Variants in DOCK3 observed in about 807,000 individuals in gnomAD.
The protein encoded by DOCK3 is dedicator of cytokinesis 3.
Under a neutral mutation model 265.6 loss-of-function variants are expected in DOCK3, and 60 were observed. The ratio of observed to expected loss-of-function variants is 0.23; its 90% CI spans 0.18 to 0.28. DOCK3 has a LOEUF of 0.28. DOCK3 is among the 10% of genes least tolerant of loss of function. DOCK3 has a pLI of 1.00. For synonymous variants in DOCK3, 881 were observed against 938.0 expected (o/e 0.94, Z 1.11); for missense variants, 1,981 against 2,594.3 (o/e 0.76, Z 5.14).
chr3:51,203,967 G>C (rs1397893544), intron 12 of DOCK3, among the ~76,000 whole-genome samples: 1 of 152,148 alleles, frequency 6.6e-6, no homozygotes, highest in African/African-American at 2.4e-5. Context: ...GCAATATGTA[G>C]AAAGCTGAAA....
intron 3 of DOCK3, among the ~76,000 whole-genome samples, chr3:50,845,293 A>G (rs1468896131): frequency 6.6e-6 from 1 of 152,176 alleles, no homozygotes; most frequent in African/African-American, 2.4e-5. Flanking sequence ...AGGACAACAG[A>G]TACTTGATTT....
In DOCK3 at chr3:51,363,374, G is replaced by A. The variant is rs190742714; in HGVS notation, c.5293+700G>A. Among the ~76,000 whole-genome samples the A allele has an allele frequency of 3.2e-4, 48 of 152,346 alleles. No individual in the cohort carries two copies. In the East Asian group the frequency reaches 4.2e-3, roughly 13 times the overall value. On this transcript the variant is annotated intron_variant, in intron 49 of 52. Transcript: ENST00000266037. ...CCCAGGGTTGGCTTTGCAGGGTAGT[G>A]ACAGTGGTCTGAGCTTGCCAGCCAG...
chr3:51,333,273 C>T lies in DOCK3; in HGVS notation c.3611+20C>T. Reference sequence around the variant, plus strand: ...CTACAGGTATCTTCTCAGCCACCCGCTCCCCTCTTCCCTTGTCAGGATACT... The same window carrying T: ...CTACAGGTATCTTCTCAGCCACCCGTTCCCCTCTTCCCTTGTCAGGATACT... On this transcript the variant is annotated intron_variant, in intron 35 of 52. Transcript: ENST00000266037. 6.2e-7 allele frequency: 1 copy of T among 1,607,010 alleles called. No individual in the cohort carries two copies. Among genetic ancestry groups the T allele is most frequent in the Non-Finnish European group, 8.5e-7 (1 of 1,176,256 alleles).
At chr3:50,903,042 T>C (rs758603271) in intron 4 of DOCK3, among the ~76,000 whole-genome samples, 1 of 152,212 alleles carries the variant, frequency 6.6e-6, no homozygotes. Flanking sequence ...ACTTTGCCGA[T>C]GTGGCCTATC....
chr3:51,252,472 TATTG>T (rs2079306973), intron 22 of DOCK3, among the ~76,000 whole-genome samples: 1 of 152,236 alleles, frequency 6.6e-6, no homozygotes, highest in African/African-American at 2.4e-5. Flanking sequence ...ATTTTCACAG[TATTG>T]ATTCTTCCTA....
At chr3:50,959,558 GTA>G (rs35114347) in intron 5 of DOCK3, among the ~76,000 whole-genome samples, 16,593 of 139,270 alleles carry the variant, frequency 0.12, 1,026 homozygotes, top group African/African-American at 0.14. Flanking sequence ...GTGTGTGTGT[GTA>G]TATATATATA....
intron 1 of DOCK3, among the ~76,000 whole-genome samples, chr3:50,678,808 AT>A (rs5848883): frequency 1 from 149,473 of 150,068 alleles, 74,446 homozygotes; most frequent in East Asian, 1. Context: ...TGCCTGCCTA[AT>A]TTTTTTTTTT....
Position 51,090,505 on chromosome 3 carries a change from C to G in DOCK3, c.746+121C>G, listed in dbSNP as rs530942766. On this transcript the variant is annotated intron_variant, in intron 9 of 52. Transcript: ENST00000266037. ...GCAAAACAAGATAAAGTAACCTCAT[C>G]TCATTAGCTAGGAGTTTTGGCCCCA... 3.7e-6 allele frequency: 4 copies of G among 1,071,014 alleles called. No homozygotes were observed. In the African/African-American group the frequency reaches 6.6e-5, roughly 18 times the overall value. The allele number at this position is 1,071,014 out of a possible 1,614,324, so 66.3% of individuals were successfully genotyped here.
intron 12 of DOCK3, among the ~76,000 whole-genome samples, chr3:51,191,464 G>A (rs769634974): frequency 9.2e-5 from 14 of 151,910 alleles, no homozygotes; most frequent in Admixed American, 3.9e-4. Context: ...TTTTATATTC[G>A]TCACCACTCC....
intron 1 of DOCK3, among the ~76,000 whole-genome samples, chr3:50,719,278 T>G (rs1377946069): frequency 8.6e-5 from 13 of 151,774 alleles, no homozygotes; most frequent in African/African-American, 2.7e-4. Context: ...CTTTTTTTTT[T>G]TTGTTAGTTT....
At chr3:50,782,286 G>GTTTTTTTTTTTTTTTT (rs1344110347) in intron 2 of DOCK3, among the ~76,000 whole-genome samples, 4 of 44,796 alleles carry the variant, frequency 8.9e-5, no homozygotes, top group Non-Finnish European at 1.4e-4. Flanking sequence ...ACCAGTACCT[G>GTTTTTTTTTTTTTTTT]TTATTTTTTT....
chr3:50,771,270 G>C (rs774024966), intron 1 of DOCK3, among the ~76,000 whole-genome samples: 10 of 152,052 alleles, frequency 6.6e-5, no homozygotes, highest in Non-Finnish European at 1.3e-4. Flanking sequence ...CCAATAATCT[G>C]ATCAAAAAAT....
At chr3:51,243,505 T>C (rs2078701503) in intron 21 of DOCK3, among the ~76,000 whole-genome samples, 1 of 152,190 alleles carries the variant, frequency 6.6e-6, no homozygotes, top group African/African-American at 2.4e-5. Context: ...TTTCCCTAAT[T>C]ATCTTCCTTT....
intron 1 of DOCK3, among the ~76,000 whole-genome samples, chr3:50,771,062 C>CA (rs1357514061): frequency 1.3e-5 from 2 of 152,140 alleles, no homozygotes; most frequent in African/African-American, 4.8e-5. Context: ...AGCAATACCT[C>CA]AAAGCACAGG....
At chr3:51,041,439 G>A (rs1203821460) in intron 5 of DOCK3, among the ~76,000 whole-genome samples, 2 of 151,158 alleles carry the variant, frequency 1.3e-5, no homozygotes, top group African/African-American at 4.9e-5. Context: ...GGATGGTCTC[G>A]ATCTCCTGAC....
intron 5 of DOCK3, among the ~76,000 whole-genome samples, chr3:51,016,549 A>C (rs1288162177): frequency 6.7e-4 from 10 of 15,030 alleles, no homozygotes; most frequent in African/African-American, 5.9e-3. Context: ...ATATATATTT[A>C]TATATATCAT....
chr3:51,071,019 T>C (rs2081841297), intron 6 of DOCK3, among the ~76,000 whole-genome samples: 1 of 152,190 alleles, frequency 6.6e-6, no homozygotes, highest in East Asian at 1.9e-4. Flanking sequence ...GCAAAAAAGA[T>C]TGGGGACCAC....
intron 12 of DOCK3, among the ~76,000 whole-genome samples, chr3:51,172,133 T>G (rs1269889476): frequency 6.6e-6 from 1 of 152,122 alleles, no homozygotes; most frequent in Non-Finnish European, 1.5e-5. Flanking sequence ...ATTTAAGTAT[T>G]GCCACTCCTA....
At chr3:50,956,919 G>A (rs899578080) in intron 5 of DOCK3, among the ~76,000 whole-genome samples, 1 of 152,114 alleles carries the variant, frequency 6.6e-6, no homozygotes, top group Non-Finnish European at 1.5e-5. Context: ...CTGGAGTGCA[G>A]TGACGCCATT....
Sources: allele counts gnomAD v4.1 joint callset (sites outside exome capture counted in the v4.1 genomes callset), GRCh38; gene constraint gnomAD v4.1.1; transcripts MANE v1.5; gene names NCBI Gene and HGNC (gene_info 2026-07-23, HGNC 2026-07-21).